The following PTPRD variants were observed in gnomAD, a reference collection of about 807,000 sequenced individuals.
PTPRD encodes receptor-type tyrosine-protein phosphatase delta.
A neutral mutation model predicts 214.5 loss-of-function variants in PTPRD; 34 were observed. The observed-to-expected ratio is 0.16, with a 90% CI of 0.12 to 0.21. The LOEUF (loss-of-function observed/expected upper bound fraction) is 0.21. PTPRD is among the 10% of genes least tolerant of loss of function. The probability of loss-of-function intolerance (pLI) is 1.00; values close to 1 mark genes in which losing one functional copy is unlikely to be tolerated. For missense variants in PTPRD, 2,545 were observed against 2,398.7 expected (o/e 1.06, Z -1.27); for synonymous variants, 1,128 against 845.7 (o/e 1.33, Z -5.79).
chr9:9,939,658 C>G lies in PTPRD; in HGVS notation c.-471-1048G>C, dbSNP rs1403662841. Among the ~76,000 whole-genome samples the G allele has an allele frequency of 5.3e-5, 8 of 152,266 alleles. 1 individual carries two copies. In the South Asian group the frequency reaches 1.7e-3, roughly 32 times the overall value. ...TCATCACCTGATGCCTGGTAACACC[C>G]TCTGTGAATGAATCATGTGGCTCCC... On this transcript the variant is annotated intron_variant, in intron 4 of 45. Coordinates refer to ENST00000381196, the MANE Select transcript of PTPRD (RefSeq NM_002839.4).
At chr9:8,483,618 G>A (rs910472998) in intron 30 of PTPRD, among the ~76,000 whole-genome samples, 1 of 152,088 alleles carries the variant, frequency 6.6e-6, no homozygotes, top group Non-Finnish European at 1.5e-5. Flanking sequence ...CAGACATGGC[G>A]ACAGGTGCCT....
At chr9:9,783,590 G>A (rs895482630) in intron 5 of PTPRD, among the ~76,000 whole-genome samples, 1 of 152,028 alleles carries the variant, frequency 6.6e-6, no homozygotes, top group Non-Finnish European at 1.5e-5. Context: ...TTATCAAACT[G>A]ATAATACAGA....
chr9:9,314,622 T>G (rs982268016), intron 9 of PTPRD, among the ~76,000 whole-genome samples: 2 of 152,062 alleles, frequency 1.3e-5, no homozygotes, highest in South Asian at 2.1e-4. Flanking sequence ...TATAGTGTTT[T>G]GCTTATGGTA....
chr9:10,385,549 C>T (rs2097899884), intron 2 of PTPRD, among the ~76,000 whole-genome samples: 1 of 151,640 alleles, frequency 6.6e-6, no homozygotes, highest in Non-Finnish European at 1.5e-5. Context: ...AGTATATTCT[C>T]TTTCCTGAAA....
At position 9,910,026 on chromosome 9, in the gene PTPRD, G is replaced by A. The variant is rs186392618; in HGVS notation, c.-368+28481C>T. Among the ~76,000 whole-genome samples, 516 of 151,980 alleles carry A rather than the reference G, an allele frequency of 3.4e-3. 2 individuals carry two copies. Among genetic ancestry groups the A allele is most frequent in the African/African-American group, 0.012 (498 of 41,506 alleles). Reference sequence around the variant, plus strand: ...GTTACTATTTTATGGTAAATATATGGTCTCTGGAGCCATAACCTCAGGTTC... The same window carrying A: ...GTTACTATTTTATGGTAAATATATGATCTCTGGAGCCATAACCTCAGGTTC... On this transcript the variant is annotated intron_variant, in intron 5 of 45. Transcript: ENST00000381196.
chr9:8,536,768 AC>A (rs1267919240), intron 14 of PTPRD, among the ~76,000 whole-genome samples: 2 of 151,992 alleles, frequency 1.3e-5, no homozygotes, highest in Non-Finnish European at 2.9e-5. Flanking sequence ...TAACATATCT[AC>A]CCTATGACTT....
At chr9:9,269,741 G>A (rs1226498916) in intron 9 of PTPRD, among the ~76,000 whole-genome samples, 1 of 151,230 alleles carries the variant, frequency 6.6e-6, no homozygotes, top group Non-Finnish European at 1.5e-5. Flanking sequence ...TTTACTGAGT[G>A]AAATTAGCTG....
At chr9:9,111,502 A>C (rs1294424518) in intron 10 of PTPRD, among the ~76,000 whole-genome samples, 1 of 152,076 alleles carries the variant, frequency 6.6e-6, no homozygotes, top group Admixed American at 6.6e-5. Flanking sequence ...CACCCCAAAC[A>C]ACCCACATTA....
chr9:10,355,802 T>C (rs1364783541), intron 2 of PTPRD, among the ~76,000 whole-genome samples: 1 of 152,078 alleles, frequency 6.6e-6, no homozygotes, highest in African/African-American at 2.4e-5. Context: ...ATCCTTTAAA[T>C]ATATACTTAA....
chr9:8,476,340 A>C (rs918534451), intron 30 of PTPRD, among the ~76,000 whole-genome samples: 2 of 152,098 alleles, frequency 1.3e-5, no homozygotes, highest in African/African-American at 4.8e-5. Flanking sequence ...CAGGAGGCGG[A>C]GCTCGCTCCA....
At chr9:10,330,525 G>C (rs1597281191) in intron 3 of PTPRD, among the ~76,000 whole-genome samples, 1 of 151,842 alleles carries the variant, frequency 6.6e-6, no homozygotes, top group East Asian at 2.0e-4. Flanking sequence ...TATAATCAAA[G>C]GGTATCAATA....
chr9:9,243,812 G>A (rs560141839), intron 9 of PTPRD, among the ~76,000 whole-genome samples: 13 of 152,146 alleles, frequency 8.5e-5, no homozygotes, highest in Non-Finnish European at 1.8e-4. Flanking sequence ...GGAGAATGAA[G>A]TAAAGGGTAT....
intron 3 of PTPRD, among the ~76,000 whole-genome samples, chr9:10,211,618 C>T (rs538805358): frequency 5.3e-5 from 8 of 152,180 alleles, no homozygotes; most frequent in Non-Finnish European, 1.0e-4. Flanking sequence ...ACAATGAGCC[C>T]TAAATAGAAA....
chr9:8,510,281 G>C (rs1291282890), intron 21 of PTPRD, among the ~76,000 whole-genome samples: 1 of 152,072 alleles, frequency 6.6e-6, no homozygotes, highest in African/African-American at 2.4e-5. Context: ...GACAGAGTGA[G>C]ACCCTGTCTC....
At chr9:10,186,542 G>C (rs868390440) in intron 3 of PTPRD, among the ~76,000 whole-genome samples, 74 of 152,036 alleles carry the variant, frequency 4.9e-4, no homozygotes, top group Admixed American at 2.6e-4. Context: ...CCCCTAAACA[G>C]AATTAACACT....
At chr9:10,118,300 T>C (rs182752866) in intron 3 of PTPRD, among the ~76,000 whole-genome samples, 52 of 151,768 alleles carry the variant, frequency 3.4e-4, no homozygotes, top group Non-Finnish European at 6.5e-4. Context: ...TAGAAACATT[T>C]ATTATCTATA....
chr9:8,824,974 G>A (rs1010783441), intron 11 of PTPRD, among the ~76,000 whole-genome samples: 3 of 152,154 alleles, frequency 2.0e-5, no homozygotes, highest in Admixed American at 6.5e-5. Context: ...TGTATAAAGT[G>A]CAGTAAGAAT....
Position 8,328,756 on chromosome 9 carries a change from C to G in PTPRD, c.5534+2826G>C, listed in dbSNP as rs1022826331. Among the ~76,000 whole-genome samples the G allele has an allele frequency of 2.6e-5, 4 of 152,060 alleles. No individual in the cohort carries two copies. In the East Asian group the frequency reaches 5.8e-4, roughly 22 times the overall value. On this transcript the variant is annotated intron_variant, in intron 44 of 45. Coordinates refer to ENST00000381196, the MANE Select transcript of PTPRD (RefSeq NM_002839.4). ...TTACTCTTTTCTCTAATCTTGTCTTCATGCTTTATTTCATTGAGTTGATCT... is the reference window on the plus strand; with the variant it reads ...TTACTCTTTTCTCTAATCTTGTCTTGATGCTTTATTTCATTGAGTTGATCT...
chr9:9,985,009 T>G (rs2095661814), intron 4 of PTPRD, among the ~76,000 whole-genome samples: 2 of 152,182 alleles, frequency 1.3e-5, no homozygotes, highest in Admixed American at 6.5e-5. Flanking sequence ...GGAATTTCAT[T>G]ATCACACAGC....
Sources: allele counts gnomAD v4.1 joint callset (sites outside exome capture counted in the v4.1 genomes callset), GRCh38; gene constraint gnomAD v4.1.1; transcripts MANE v1.5; gene names NCBI Gene and HGNC (gene_info 2026-07-23, HGNC 2026-07-21).